PAQR3: variants seen among roughly 807,000 people sequenced by gnomAD.
PAQR3 encodes Raf kinase trapping to Golgi.
A neutral mutation model predicts 41.7 loss-of-function variants in PAQR3; 39 were observed. The ratio of observed to expected loss-of-function variants is 0.93; its 90% confidence interval spans 0.72 to 1.22. PAQR3 has a LOEUF of 1.22. PAQR3 is among the 50% of genes most tolerant of loss of function. PAQR3 has a pLI of 0.00. For synonymous variants in PAQR3, 140 were observed against 140.6 expected, an observed-to-expected ratio of 1.00 and a Z score of 0.03; for missense variants, 366 against 385.6, an observed-to-expected ratio of 0.95 and a Z score of 0.42.
chr4:78,913,002 A>G lies in PAQR3; in HGVS notation c.*7537T>C, dbSNP rs1348497090. ...GGTTGTATAAAAATTTTATTTTATG[A>G]AGAAAATATGTAGCGGAAACTGAAT... On this transcript the variant is annotated 3_prime_UTR_variant, in exon 6 of 6. Transcript: ENST00000512733. The G allele has an allele frequency of 6.6e-6, 1 of 152,190 alleles. No homozygotes were observed. Among genetic ancestry groups the G allele is most frequent in the Non-Finnish European group, 1.5e-5 (1 of 68,024 alleles). 9.4% of individuals were successfully genotyped at this position (152,190 alleles called of 1,614,324 possible). A position where few individuals can be genotyped will look rare whatever the true frequency, so the allele number is the denominator to read the frequency against.
intron 5 of PAQR3, chr4:78,922,051 C>G (rs2110135571): frequency 9.8e-7 from 1 of 1,018,082 alleles, no homozygotes; most frequent in Admixed American, 5.1e-5. Flanking sequence ...AGAGAATTTT[C>G]ATGGTTTAGT....
chr4:78,921,652 C>T, intron 5 of PAQR3: 1 of 981,828 alleles, frequency 1.0e-6, no homozygotes, highest in Non-Finnish European at 1.2e-6. Flanking sequence ...CCCTTGGACC[C>T]ATCAAATGCC....
intron 12 of PAQR3, chr4:78,887,367 C>T (rs201533591): frequency 2.0e-6 from 2 of 983,962 alleles, no homozygotes; most frequent in Non-Finnish European, 3.1e-6. Context: ...GGAAGTAAGA[C>T]TCTGATGTTA....
rs1487164560 is a variant in PAQR3 at position 78,918,595 on chromosome 4, C to T, written c.*1944G>A. On this transcript the variant is annotated 3_prime_UTR_variant, in exon 6 of 6. Transcript: ENST00000512733. ...TGTACACCCTTTAAATTCAAAGAAA[C>T]ACGGATTTAAAAACACAGTATACTC... 5.1e-6 allele frequency: 5 copies of T among 971,622 alleles called. No homozygotes were observed. In the African/African-American group the frequency reaches 7.0e-5, roughly 14 times the overall value. 60.2% of individuals were successfully genotyped at this position (971,622 alleles called of 1,614,324 possible).
At chr4:78,935,090 T>TACCA in intron 2 of PAQR3, 31 bp downstream of exon 2, 1 of 1,604,964 alleles carries the variant, frequency 6.2e-7, no homozygotes, top group South Asian at 1.1e-5. Context: ...AAGTTCTCTT[T>TACCA]ACCAACAGCA....
rs1219909166 is a variant in PAQR3, at chr4:78,918,420, A to C, written c.*2119T>G. ...TGACATACAGAAGTGTTTCTAGTTA[A>C]CAGCAATCCATATTCATTCATTCAT... On this transcript the variant is annotated 3_prime_UTR_variant, in exon 6 of 6. Coordinates refer to ENST00000512733, the MANE Select transcript of PAQR3 (RefSeq NM_001040202.2). 4.1e-6 allele frequency: 4 copies of C among 976,152 alleles called. No homozygotes were observed. The highest frequency in any genetic ancestry group is 4.9e-6 in the Non-Finnish European group (4 of 821,160). The allele number at this position is 976,152 out of a possible 1,614,324, so 60.5% of individuals were successfully genotyped here. A position where few individuals can be genotyped will look rare whatever the true frequency, so the allele number is the denominator to read the frequency against.
rs1392375748 is a variant in PAQR3 at position 78,930,245 on chromosome 4, T to C, written c.429A>G (p.Leu143=). Reference sequence around the variant, plus strand: ...TTCCAATAGAAATTCCTGCATAATCTAATGCCATCCATCTTCGACATGTTT... The same window carrying C: ...TTCCAATAGAAATTCCTGCATAATCCAATGCCATCCATCTTCGACATGTTT... ...SEKTCRRWMA[L]DYAGISIGIL... The change falls in exon 3 of 6, where the codon TTA becomes TTG. Residue 143 remains leucine (L), a synonymous_variant. Transcript: ENST00000512733. 6.2e-7 allele frequency: 1 copy of C among 1,613,804 alleles called. No homozygotes were observed. Among genetic ancestry groups the C allele is most frequent in the South Asian group, 1.1e-5 (1 of 91,054 alleles).
chr4:78,911,796 T>G, downstream of PAQR3: 1 of 1,613,902 alleles, frequency 6.2e-7, no homozygotes, highest in Non-Finnish European at 8.5e-7. Context: ...CATGGCACCC[T>G]CCACATCAGG....
In PAQR3 at chr4:78,920,076, T is replaced by G; in HGVS notation, c.*463A>C. 1.0e-6 allele frequency: 1 copy of G among 985,028 alleles called. No homozygotes were observed. The highest frequency in any genetic ancestry group is 1.2e-6 in the Non-Finnish European group (1 of 829,278). 61.0% of individuals were successfully genotyped at this position (985,028 alleles called of 1,614,324 possible). A position where few individuals can be genotyped will look rare whatever the true frequency, so the allele number is the denominator to read the frequency against. ...TATTTAAATCTAGTGATTTTAGTGA[T>G]TATTTAAAATCACTATCCTAGCTTG... is the stretch of plus-strand genomic sequence containing the variant. On this transcript the variant is annotated 3_prime_UTR_variant, in exon 6 of 6. Transcript: ENST00000512733.
chr4:78,918,433 T>G lies in PAQR3; in HGVS notation c.*2106A>C. ...TGTTTCTAGTTAACAGCAATCCATA[T>G]TCATTCATTCATTCCCTATTTTATA... On this transcript the variant is annotated 3_prime_UTR_variant, in exon 6 of 6. Transcript: ENST00000512733. 4.1e-6 allele frequency: 4 copies of G among 971,362 alleles called. No individual in the cohort carries two copies. The highest frequency in any genetic ancestry group is 4.9e-6 in the Non-Finnish European group (4 of 816,896). The allele number at this position is 971,362 out of a possible 1,614,324, so 60.2% of individuals were successfully genotyped here.
At chr4:78,935,337 C>A in intron 1 of PAQR3, 54 bp from the exon 2 acceptor site, 1 of 1,531,732 alleles carries the variant, frequency 6.5e-7, no homozygotes, top group Non-Finnish European at 8.9e-7. Context: ...CTTACTGTCA[C>A]GTTCAAAGGT....
downstream of PAQR3, chr4:78,911,493 A>G: frequency 6.2e-7 from 1 of 1,614,074 alleles, no homozygotes; most frequent in Non-Finnish European, 8.5e-7. Context: ...CCTCTCGCCA[A>G]AGGCGCACAA....
intron 3 of PAQR3, among the ~76,000 whole-genome samples, 171 bp from the exon 4 acceptor site, chr4:78,926,889 T>C (rs1736293559): frequency 6.6e-6 from 1 of 152,226 alleles, no homozygotes; most frequent in Non-Finnish European, 1.5e-5. Flanking sequence ...CTTTTAGGTT[T>C]GTCAGAATGA....
Position 78,916,937 on chromosome 4 carries a change from T to TA in PAQR3, c.*3601dup, listed in dbSNP as rs1174394192. ...CCTGTGGAAAGGTTCATCCTATTTT[T>TA]ATGAATTAACTTTTTCTGAAGTTGT... On this transcript the variant is annotated 3_prime_UTR_variant, in exon 6 of 6. Transcript: ENST00000512733. 2.0e-5 allele frequency: 3 copies of TA among 151,904 alleles called. No individual in the cohort carries two copies. The highest frequency in any genetic ancestry group is 7.2e-5 in the African/African-American group (3 of 41,410). The allele number at this position is 151,904 out of a possible 1,614,324, so 9.4% of individuals were successfully genotyped here.
chr4:78,904,256 T>C (rs182904999), intron 11 of PAQR3, among the ~76,000 whole-genome samples: 608 of 151,998 alleles, frequency 4.0e-3, no homozygotes, highest in Non-Finnish European at 6.4e-3. Context: ...AGAAAGATCA[T>C]AGTAAACCTT....
At position 78,935,199 on chromosome 4, in the gene PAQR3, G is replaced by A; in HGVS notation, c.270C>T (p.Asp90=). The part of the protein sequence containing the change: ...FFLFFTLGIY[D]MTSVLPSASA... ...TTGCTGAAGGTAACACAGATGTCAT[G>A]TCATATATTCCCAGGGTGAAGAAGA... Residue 90 remains aspartate (D), a synonymous_variant, in exon 2 of 6, where the codon GAC becomes GAT. Coordinates refer to ENST00000512733, the MANE Select transcript of PAQR3 (RefSeq NM_001040202.2). 6.2e-7 allele frequency: 1 copy of A among 1,613,714 alleles called. No homozygotes were observed. The highest frequency in any genetic ancestry group is 8.5e-7 in the Non-Finnish European group (1 of 1,179,676).
downstream of PAQR3, among the ~76,000 whole-genome samples, chr4:78,909,480 ACC>A (rs1362349310): frequency 6.6e-6 from 1 of 152,044 alleles, no homozygotes; most frequent in Non-Finnish European, 1.5e-5. Context: ...GCCTTAGAGG[ACC>A]TTCACAGTCT....
At position 78,917,231 on chromosome 4, in the gene PAQR3, C is replaced by T. The variant is rs938629383; in HGVS notation, c.*3308G>A. The stretch of plus-strand genomic sequence containing the variant: ...GTAGTTAATATTCTCATATTGAAAG[C>T]TTGAGCTTGTATTTGTTGTTACATA... On this transcript the variant is annotated 3_prime_UTR_variant, in exon 6 of 6. Coordinates refer to ENST00000512733, the MANE Select transcript of PAQR3 (RefSeq NM_001040202.2). 6.6e-6 allele frequency: 1 copy of T among 151,850 alleles called. No homozygotes were observed. The highest frequency in any genetic ancestry group is 1.5e-5 in the Non-Finnish European group (1 of 67,862). The allele number at this position is 151,850 out of a possible 1,614,324, so 9.4% of individuals were successfully genotyped here.
downstream of PAQR3, chr4:78,911,774 C>G: frequency 6.2e-7 from 1 of 1,614,024 alleles, no homozygotes; most frequent in South Asian, 1.1e-5. Flanking sequence ...CCCTTCCATT[C>G]TCCAGACCTG....
Sources: gnomAD v4.1 joint callset for allele counts (sites outside exome capture counted in the v4.1 genomes callset) on GRCh38, gnomAD v4.1.1 for gene constraint, MANE v1.5 for transcripts, NCBI Gene and HGNC (gene_info 2026-07-23, HGNC 2026-07-21) for gene names.